Variants in CAPS2 observed in about 807,000 individuals in gnomAD.
The protein encoded by CAPS2 is calcyphosin-2.
CAPS2 carries 98 observed loss-of-function variants against 86.5 expected under a neutral mutation model. The observed-to-expected ratio is 1.13, with a 90% CI of 0.96 to 1.34. The LOEUF is 1.34. CAPS2 is among the 40% of genes most tolerant of loss of function. The probability of loss-of-function intolerance (pLI) is 0.00; values close to 1 mark genes in which losing one functional copy is unlikely to be tolerated. For missense variants in CAPS2, 729 were observed against 686.8 expected, an observed-to-expected ratio of 1.06 and a Z score of -0.69; for synonymous variants, 210 against 225.1, an observed-to-expected ratio of 0.93 and a Z score of 0.60.
At chr12:75,349,814 T>TAAAAAGAAAAGG (rs2042685784) in intron 1 of CAPS2, among the ~76,000 whole-genome samples, 1 of 151,788 alleles carries the variant, frequency 6.6e-6, no homozygotes, top group African/African-American at 2.4e-5. Context: ...CAAGACCCTA[T>TAAAAAGAAAAGG]CTCTTTAAAA....
intron 16 of CAPS2, among the ~76,000 whole-genome samples, chr12:75,280,936 T>A (rs149659685): frequency 1.1e-3 from 165 of 151,998 alleles, no homozygotes; most frequent in African/African-American, 3.8e-3. Flanking sequence ...CTAAAAATAA[T>A]AGTATTCTAT....
At chr12:75,276,190 T>C, downstream of CAPS2, 1 of 1,536,948 alleles carries the variant, frequency 6.5e-7, no homozygotes, top group South Asian at 1.2e-5. Flanking sequence ...CTTCTATTTC[T>C]TTGTTTTAAG....
chr12:75,317,086 CCTCT>C (rs1364867373), intron 5 of CAPS2, among the ~76,000 whole-genome samples: 1 of 152,140 alleles, frequency 6.6e-6, no homozygotes, highest in Non-Finnish European at 1.5e-5. Flanking sequence ...TCTTAATACT[CCTCT>C]CTGTCTTTAT....
chr12:75,360,739 T>G (rs1022100625), intron 1 of CAPS2: 1 of 152,250 alleles, frequency 6.6e-6, no homozygotes, highest in Non-Finnish European at 1.5e-5. Context: ...CACTAGGCAG[T>G]GTGCCAGTGG....
rs538853801 is a variant in CAPS2 at position 75,285,333 on chromosome 12, T to G, written c.1396-253A>C. On this transcript the variant is annotated intron_variant, in intron 14 of 16. Coordinates refer to ENST00000393284, the Ensembl canonical transcript of CAPS2. ...CTCACAAATTTACTTTTTTAAGTTT[T>G]ATTTTTGATGGACAAATAATAATTG... 2.0e-5 allele frequency among the ~76,000 whole-genome samples: 3 copies of G among 152,200 alleles called. No homozygotes were observed. The East Asian group carries it at 5.8e-4, about 29-fold the overall frequency.
intron 1 of CAPS2, chr12:75,373,890 A>G (rs1056829087): frequency 2.6e-5 from 4 of 152,092 alleles, no homozygotes; most frequent in African/African-American, 7.2e-5. Context: ...TTGATGATGA[A>G]ATGCTTCTGT....
chr12:75,338,884 G>A (rs1308851803), intron 1 of CAPS2, among the ~76,000 whole-genome samples: 1 of 152,124 alleles, frequency 6.6e-6, no homozygotes, highest in Non-Finnish European at 1.5e-5. Flanking sequence ...AGTTTGCTGA[G>A]GATAATAGCT....
At chr12:75,306,277 A>T (rs2038484123) in intron 7 of CAPS2, 1 of 614,344 alleles carries the variant, frequency 1.6e-6, no homozygotes, top group Non-Finnish European at 2.9e-6. Flanking sequence ...CCTTCCGGAT[A>T]CTGGGAAGCT....
At chr12:75,280,549 G>C (rs1034608079) in intron 16 of CAPS2, among the ~76,000 whole-genome samples, 1 of 151,350 alleles carries the variant, frequency 6.6e-6, no homozygotes, top group African/African-American at 2.4e-5. Flanking sequence ...AATATTATTA[G>C]ATGAGAAAAG....
intron 1 of CAPS2, chr12:75,347,761 A>T: frequency 7.3e-7 from 1 of 1,370,404 alleles, no homozygotes; most frequent in African/African-American, 1.4e-5. Context: ...AATTGAAATT[A>T]ATGTTGATGA....
chr12:75,371,038 T>A (rs1232078054), intron 1 of CAPS2: 1 of 152,242 alleles, frequency 6.6e-6, no homozygotes, highest in Non-Finnish European at 1.5e-5. Context: ...CTAGGTTATA[T>A]GCATGTATAA....
At chr12:75,305,542 C>T in intron 7 of CAPS2, 1 of 623,222 alleles carries the variant, frequency 1.6e-6, no homozygotes, top group Non-Finnish European at 3.1e-6. Flanking sequence ...GGTAGGCGTT[C>T]CTCCGTCCGC....
intron 1 of CAPS2, among the ~76,000 whole-genome samples, chr12:75,358,836 AAT>A (rs2043341271): frequency 6.9e-6 from 1 of 144,168 alleles, no homozygotes; most frequent in African/African-American, 2.5e-5. Context: ...AATATATAAC[AAT>A]ATATAATATA....
rs539260672 is a variant in CAPS2, at chr12:75,372,849, G to A, written c.-395+17989C>T. On this transcript the variant is annotated intron_variant, in intron 1 of 5. Transcript: ENST00000551829. The stretch of plus-strand genomic sequence containing the variant: ...TTGCACTTCTTTAGCCACAAAGTGA[G>A]TGCCTTGGTTAGAGGCAATGTTGTG... Among the ~76,000 whole-genome samples the A allele has an allele frequency of 5.4e-3, 822 of 152,334 alleles. 4 individuals are homozygous for A. Among genetic ancestry groups the A allele is most frequent in the Non-Finnish European group, 8.0e-3 (541 of 68,032 alleles).
At chr12:75,374,188 G>A (rs1045866479) in intron 1 of CAPS2, among the ~76,000 whole-genome samples, 1 of 152,206 alleles carries the variant, frequency 6.6e-6, no homozygotes, top group African/African-American at 2.4e-5. Flanking sequence ...TGGATCTGCT[G>A]GGTCATATGG....
chr12:75,329,695 T>C (rs1030278794), upstream of CAPS2: 4 of 557,626 alleles, frequency 7.2e-6, no homozygotes, highest in Non-Finnish European at 9.1e-6. Flanking sequence ...ACCAAGTCTA[T>C]GTTGATCCCA....
chr12:75,289,705 C>T (rs759771107), exon 14 of CAPS2: 1 of 1,613,060 alleles, frequency 6.2e-7, no homozygotes, highest in South Asian at 1.1e-5. Context: ...CCTTGTCCAA[C>T]TGTTGAAAAT....
intron 13 of CAPS2, among the ~76,000 whole-genome samples, chr12:75,291,480 C>CATATATATAT (rs556770226): frequency 5.4e-5 from 1 of 18,642 alleles, no homozygotes; most frequent in African/African-American, 2.7e-4. Flanking sequence ...ACAATAAAAG[C>CATATATATAT]ATATATATAT....
At chr12:75,374,734 C>T (rs147861580) in intron 1 of CAPS2, among the ~76,000 whole-genome samples, 2 of 152,248 alleles carry the variant, frequency 1.3e-5, no homozygotes, top group Non-Finnish European at 2.9e-5. Flanking sequence ...CTTGCTTTGC[C>T]AACTGAAGGC....
Sources: allele counts gnomAD v4.1 joint callset (sites outside exome capture counted in the v4.1 genomes callset), GRCh38; gene constraint gnomAD v4.1.1; transcripts MANE v1.5; gene names NCBI Gene and HGNC (gene_info 2026-07-23, HGNC 2026-07-21).